ANKRD28: variants seen among roughly 807,000 people sequenced by gnomAD.
ANKRD28 encodes ankyrin repeat domain 28, also known as serine/threonine-protein phosphatase 6 regulatory ankyrin repeat subunit A.
Under a neutral mutation model 126.5 loss-of-function variants are expected in ANKRD28, and 44 were observed. The ratio of observed to expected loss-of-function variants is 0.35; its 90% CI spans 0.27 to 0.45. The LOEUF (loss-of-function observed/expected upper bound fraction) is 0.45. Ranked by LOEUF, ANKRD28 falls within the 20% of genes least tolerant of loss-of-function variation. The pLI is 1.00. For synonymous variants in ANKRD28, 442 were observed against 468.5 expected (o/e 0.94, Z 0.73); for missense variants, 1,110 against 1,316.6 (o/e 0.84, Z 2.43).
intron 23 of ANKRD28, 27 bp from the exon 24 acceptor site, chr3:15,678,381 T>C: frequency 6.3e-7 from 1 of 1,578,124 alleles, no homozygotes; most frequent in East Asian, 2.3e-5. Context: ...TTGAAATATA[T>C]GACTAAATTT....
chr3:15,849,573 T>C (rs1380864632), intron 1 of ANKRD28, among the ~76,000 whole-genome samples: 2 of 152,186 alleles, frequency 1.3e-5, no homozygotes, highest in African/African-American at 2.4e-5. Flanking sequence ...ACCCTCACCA[T>C]ACCAGGGAGA....
At chr3:15,693,653 T>C (rs956856356) in intron 17 of ANKRD28, among the ~76,000 whole-genome samples, 1 of 152,168 alleles carries the variant, frequency 6.6e-6, no homozygotes, top group Non-Finnish European at 1.5e-5. Flanking sequence ...TCATTTCTTT[T>C]CATCAATAGT....
intron 1 of ANKRD28, among the ~76,000 whole-genome samples, chr3:15,807,119 G>A (rs1344187640): frequency 1.3e-5 from 2 of 152,120 alleles, no homozygotes; most frequent in African/African-American, 4.8e-5. Context: ...ATAGCCACAT[G>A]TTAATTGTTA....
rs2061724811 is a variant in ANKRD28 at position 15,854,682 on chromosome 3, TC to T, written c.27+4694del. ...ACCCTACATCTATGTGTTTTTTTTT[TC>T]CCCTCTTCTAAGATCTGTAAGGGTA... On this transcript the variant is annotated intron_variant, in intron 1 of 27. Coordinates refer to the ANKRD28 transcript ENST00000399451. This position sits in a 1 kb window ranked among gnomAD's most constrained non-coding sequence, Gnocchi z 4.1. 1.3e-5 allele frequency among the ~76,000 whole-genome samples: 2 copies of T among 151,898 alleles called. No homozygotes were observed. The highest frequency in any genetic ancestry group is 1.3e-4 in the Admixed American group (2 of 15,276).
At chr3:15,850,614 G>C (rs948212174) in intron 1 of ANKRD28, among the ~76,000 whole-genome samples, 2 of 151,998 alleles carry the variant, frequency 1.3e-5, no homozygotes, top group Non-Finnish European at 2.9e-5. Context: ...CTTCTGTTGG[G>C]TTCAGGAGGC....
chr3:15,735,556 T>C (rs1391916293), intron 5 of ANKRD28, 59 bp from the exon 6 acceptor site: 2 of 1,311,950 alleles, frequency 1.5e-6, no homozygotes, highest in Non-Finnish European at 2.1e-6. Context: ...TCTATGAATG[T>C]ACATTTCTGA....
intron 2 of ANKRD28, among the ~76,000 whole-genome samples, chr3:15,772,598 A>G (rs1223446099): frequency 1.3e-5 from 2 of 152,238 alleles, no homozygotes; most frequent in East Asian, 1.9e-4. Flanking sequence ...GTAATTCAAC[A>G]TATTAGCAGA....
At chr3:15,728,119 T>C (rs915879275) in intron 6 of ANKRD28, among the ~76,000 whole-genome samples, 2 of 152,196 alleles carry the variant, frequency 1.3e-5, no homozygotes, top group Non-Finnish European at 2.9e-5. Context: ...TTATCAGAGA[T>C]TGTGACTTGC....
chr3:15,742,209 C>T (rs1430558012), intron 4 of ANKRD28, among the ~76,000 whole-genome samples: 21 of 145,782 alleles, frequency 1.4e-4, no homozygotes, highest in Admixed American at 6.1e-4. Flanking sequence ...TCGTCTGGGA[C>T]GTGAGGAGCC....
rs116802910 is a variant in ANKRD28 at position 15,776,936 on chromosome 3, T to A, written c.202-10624A>T. On this transcript the variant is annotated intron_variant, in intron 2 of 27. Coordinates refer to ENST00000683139, the MANE Select transcript of ANKRD28 (RefSeq NM_001349278.2). ...AGCCTAAGAACAGTCGTTGCTTTTG[T>A]TGGTTTAGGAAGTTTTGTTCTCCTG... Among the ~76,000 whole-genome samples, 893 of 152,126 alleles carry A rather than the reference T, an allele frequency of 5.9e-3. 5 individuals carry two copies. Among genetic ancestry groups the A allele is most frequent in the African/African-American group, 0.02 (848 of 41,492 alleles).
intron 13 of ANKRD28, among the ~76,000 whole-genome samples, chr3:15,708,696 G>A (rs1472696): frequency 0.46 from 70,459 of 151,844 alleles, 19,276 homozygotes; most frequent in Non-Finnish European, 0.6. Flanking sequence ...TTTTATTTTT[G>A]TGGGTCATTA....
At chr3:15,859,401 C>A in exon 1 of ANKRD28, 1 of 1,527,672 alleles carries the variant, frequency 6.5e-7, no homozygotes. Flanking sequence ...TGAGGAACGC[C>A]ATGGCGGTCG....
intron 4 of ANKRD28, among the ~76,000 whole-genome samples, chr3:15,746,013 C>T (rs1005561909): frequency 6.6e-6 from 1 of 152,156 alleles, no homozygotes; most frequent in South Asian, 2.1e-4. Context: ...TCAACTTGGT[C>T]GCCATTAGTG....
At chr3:15,671,706 C>T (rs140432582) in intron 27 of ANKRD28, among the ~76,000 whole-genome samples, 1 of 151,662 alleles carries the variant, frequency 6.6e-6, no homozygotes. Context: ...GCCTCAGCCT[C>T]CTGAGTAGCT....
chr3:15,765,042 C>T (rs1403585650), intron 3 of ANKRD28, among the ~76,000 whole-genome samples: 1 of 152,194 alleles, frequency 6.6e-6, no homozygotes, highest in African/African-American at 2.4e-5. Context: ...CTCCTTTCCA[C>T]AAACTATCAA....
intron 1 of ANKRD28, chr3:15,859,257 ACCC>A: frequency 7.1e-7 from 1 of 1,402,244 alleles, no homozygotes; most frequent in Non-Finnish European, 9.4e-7. Flanking sequence ...CCGGGGCAGG[ACCC>A]CCGTTTCCCT....
intron 7 of ANKRD28, 62 bp from the exon 8 acceptor site, chr3:15,721,189 C>T: frequency 7.0e-7 from 1 of 1,438,222 alleles, no homozygotes; most frequent in Non-Finnish European, 9.6e-7. Flanking sequence ...ATGTTGTGAG[C>T]TATTTTAGCA....
In ANKRD28 at chr3:15,797,678, G is replaced by A; in HGVS notation, c.-1157C>T. On this transcript the variant is annotated 5_prime_UTR_variant, in exon 1 of 28. Coordinates refer to ENST00000683139, the MANE Select transcript of ANKRD28 (RefSeq NM_001349278.2). ...TTCAGAGAAAAAAATAGCAGACTGT[G>A]CATCTTCTTTGAGCCAACTACTTTA... The A allele has an allele frequency of 1.0e-6, 1 of 985,342 alleles. No homozygotes were observed. 61.0% of individuals were successfully genotyped at this position (985,342 alleles called of 1,614,324 possible). A position where few individuals can be genotyped will look rare whatever the true frequency, so the allele number is the denominator to read the frequency against.
intron 6 of ANKRD28, among the ~76,000 whole-genome samples, chr3:15,727,817 T>C (rs1440845958): frequency 1.3e-5 from 2 of 152,128 alleles, no homozygotes; most frequent in Non-Finnish European, 2.9e-5. Context: ...TGTGAACAGA[T>C]GAGGGGTTGC....
Sources: gnomAD v4.1 joint callset for allele counts (sites outside exome capture counted in the v4.1 genomes callset) on GRCh38, gnomAD v4.1.1 for gene constraint, Gnocchi (gnomAD v3.1) non-coding constraint, MANE v1.5 for transcripts, NCBI Gene and HGNC (gene_info 2026-07-23, HGNC 2026-07-21) for gene names.